The following DIAPH3 variants were observed in gnomAD, a reference collection of about 807,000 sequenced individuals.
DIAPH3 encodes the protein protein diaphanous homolog 3.
A neutral mutation model predicts 144.3 loss-of-function variants in DIAPH3; 117 were observed. That is an observed-to-expected ratio of 0.81 (90% CI 0.70 to 0.95). The LOEUF is 0.95. DIAPH3 is among the 40% of genes least tolerant of loss of function. The pLI is 0.00. For synonymous variants in DIAPH3, 519 were observed against 488.9 expected (o/e 1.06, Z -0.81); for missense variants, 1,421 against 1,412.7 (o/e 1.01, Z -0.09).
chr13:59,680,289 C>T (rs947821176), intron 27 of DIAPH3, among the ~76,000 whole-genome samples: 47 of 151,468 alleles, frequency 3.1e-4, no homozygotes, highest in African/African-American at 1.0e-3. Context: ...AAGCCTATGA[C>T]GTGTTGTTGA....
intron 23 of DIAPH3, among the ~76,000 whole-genome samples, chr13:59,834,654 T>C (rs549513228): frequency 1.3e-5 from 2 of 151,854 alleles, no homozygotes; most frequent in South Asian, 2.1e-4. Context: ...TTCATCATCA[T>C]CTTCATCTAA....
intron 21 of DIAPH3, 54 bp downstream of exon 21, chr13:59,879,175 A>G: frequency 1.2e-6 from 2 of 1,611,550 alleles, no homozygotes; most frequent in Admixed American, 3.3e-5. Context: ...ATCAGGGCTG[A>G]CATTTAAGAG....
chr13:59,666,744 T>G lies in DIAPH3; in HGVS notation c.3422A>C (p.Asp1141Ala). 1 of 1,614,160 alleles carries G rather than the reference T, an allele frequency of 6.2e-7. No individual in the cohort carries two copies. The change falls in exon 28 of 28, where the codon GAC becomes GCC. Residue 1141 changes from aspartate to alanine, a missense_variant. Transcript: ENST00000400324. ...PVAKELNYNL[D>A]THTSTGRIKA... The stretch of plus-strand genomic sequence containing the variant: ...GATCCTCCCAGTAGACGTATGAGTG[T>G]CTAGATTATAATTAAGCTCCTTGGC...
chr13:60,098,936 T>G (rs1484251972), intron 3 of DIAPH3, among the ~76,000 whole-genome samples: 1 of 152,162 alleles, frequency 6.6e-6, no homozygotes, highest in Non-Finnish European at 1.5e-5. Context: ...AGGTTAAAAT[T>G]TCCATGGATA....
chr13:60,074,765 A>G (rs2057323438), intron 4 of DIAPH3, among the ~76,000 whole-genome samples: 1 of 152,144 alleles, frequency 6.6e-6, no homozygotes, highest in Non-Finnish European at 1.5e-5. Context: ...CATACTATAC[A>G]TATGCTTTTT....
At position 59,971,079 on chromosome 13, in the gene DIAPH3, G is replaced by C; in HGVS notation, c.1732C>G (p.Pro578Ala). 1 of 1,613,468 alleles carries C rather than the reference G, an allele frequency of 6.2e-7. No homozygotes were observed. ...CCTCCACCAGAAGGCAGTGGAGGCG[G>C]AGGAGGAAGTGCTGAGTGGCCAGTT... ...GGTGHSALPP[P>A]PPLPSGGGVP... Residue 578 changes from proline to alanine, a missense_variant, in exon 16 of 28, where the codon CCG (proline) becomes GCG (alanine). Physicochemically the swap from Pro to Ala is conservative, Grantham distance 27. Coordinates refer to ENST00000400324, the MANE Select transcript of DIAPH3 (RefSeq NM_001042517.2).
chr13:59,715,237 C>G (rs1487391504), intron 27 of DIAPH3, among the ~76,000 whole-genome samples: 1 of 152,126 alleles, frequency 6.6e-6, no homozygotes, highest in East Asian at 1.9e-4. Context: ...GAATTCACCT[C>G]AAGAAGACAG....
At chr13:59,981,640 TTC>T (rs933033138) in intron 13 of DIAPH3, among the ~76,000 whole-genome samples, 1 of 151,356 alleles carries the variant, frequency 6.6e-6, no homozygotes, top group African/African-American at 2.4e-5. Context: ...ATGTTATCCC[TTC>T]TTTTTTATTA....
intron 21 of DIAPH3, among the ~76,000 whole-genome samples, chr13:59,870,903 C>T (rs2044227055): frequency 6.6e-6 from 1 of 152,054 alleles, no homozygotes; most frequent in Admixed American, 6.6e-5. Context: ...CTCCCGACCT[C>T]AGGTGATCTG....
intron 20 of DIAPH3, among the ~76,000 whole-genome samples, chr13:59,883,834 C>CA (rs1305301387): frequency 6.6e-6 from 1 of 152,132 alleles, no homozygotes; most frequent in East Asian, 1.9e-4. Context: ...CAGTAGTTAT[C>CA]AAGTAACACC....
chr13:59,947,700 T>C (rs902026346), intron 17 of DIAPH3, among the ~76,000 whole-genome samples: 4 of 150,862 alleles, frequency 2.7e-5, no homozygotes, highest in African/African-American at 9.8e-5. Context: ...GCCACTGCAC[T>C]CCAGCCTGGG....
intron 27 of DIAPH3, among the ~76,000 whole-genome samples, chr13:59,736,489 C>T (rs1259575989): frequency 1.3e-5 from 2 of 152,004 alleles, no homozygotes; most frequent in South Asian, 2.1e-4. Flanking sequence ...TTCTGACTGG[C>T]GTGAGGTAGT....
intron 24 of DIAPH3, among the ~76,000 whole-genome samples, chr13:59,822,333 G>T (rs1189319308): frequency 1.3e-5 from 2 of 152,146 alleles, no homozygotes; most frequent in Non-Finnish European, 2.9e-5. Context: ...CTTAAAGGTA[G>T]GCTTGCTGAT....
chr13:59,669,939 A>T (rs1205339885), intron 27 of DIAPH3, among the ~76,000 whole-genome samples: 1 of 152,158 alleles, frequency 6.6e-6, no homozygotes, highest in African/African-American at 2.4e-5. Flanking sequence ...TGCTGCCAAA[A>T]ACAAGGATTG....
chr13:59,867,671 A>G (rs1034459934), intron 21 of DIAPH3, among the ~76,000 whole-genome samples: 1 of 152,136 alleles, frequency 6.6e-6, no homozygotes, highest in South Asian at 2.1e-4. Context: ...CTATATAGAA[A>G]GCATTTGTGC....
At chr13:59,996,098 G>A (rs1267810427) in intron 9 of DIAPH3, among the ~76,000 whole-genome samples, 2 of 151,946 alleles carry the variant, frequency 1.3e-5, no homozygotes, top group Non-Finnish European at 2.9e-5. Context: ...ATAAAACAAG[G>A]ACTAATCAAT....
rs77021593 is a variant in DIAPH3 at position 59,851,310 on chromosome 13, C to A, written c.2737+10097G>T. On this transcript the variant is annotated intron_variant, in intron 22 of 27. Coordinates refer to ENST00000400324, the MANE Select transcript of DIAPH3 (RefSeq NM_001042517.2). ...ACTTCCATACCTTGAGGCCTTTACA[C>A]TTGCTTTTCCCTTTGCCTGGAATAG... Among the ~76,000 whole-genome samples the A allele has an allele frequency of 2.6e-4, 39 of 152,304 alleles. No individual in the cohort carries two copies. The East Asian group carries it at 7.2e-3, about 28-fold the overall frequency.
chr13:59,708,613 C>T (rs371545410), intron 27 of DIAPH3, among the ~76,000 whole-genome samples: 35 of 152,172 alleles, frequency 2.3e-4, no homozygotes, highest in Admixed American at 4.6e-4. Flanking sequence ...TTTGTGTTTC[C>T]GCCCTTCCTC....
intron 27 of DIAPH3, among the ~76,000 whole-genome samples, chr13:59,738,140 C>G (rs939500701): frequency 6.6e-6 from 1 of 152,050 alleles, no homozygotes. Flanking sequence ...GCACTCCAGC[C>G]TGGGCGACAG....
Sources: gnomAD v4.1 joint callset for allele counts (sites outside exome capture counted in the v4.1 genomes callset) on GRCh38, gnomAD v4.1.1 for gene constraint, MANE v1.5 for transcripts, NCBI Gene and HGNC (gene_info 2026-07-23, HGNC 2026-07-21) for gene names.